The following ICE2 variants were observed in gnomAD, a reference collection of about 807,000 sequenced individuals.
ICE2 encodes little elongation complex subunit 2.
ICE2 carries 87 observed loss-of-function variants against 105.4 expected under a neutral mutation model. That is an observed-to-expected ratio of 0.83 (90% CI 0.69 to 0.99). The LOEUF (loss-of-function observed/expected upper bound fraction) is 0.99. Ranked by LOEUF, ICE2 falls within the 50% of genes least tolerant of loss-of-function variation. ICE2 has a pLI of 0.00. For synonymous variants in ICE2, 399 were observed against 392.0 expected, an observed-to-expected ratio of 1.02 and a Z score of -0.21; for missense variants, 1,323 against 1,146.7, an observed-to-expected ratio of 1.15 and a Z score of -2.22.
At chr15:60,477,571 A>C (rs2064799270) in intron 2 of ICE2, among the ~76,000 whole-genome samples, 1 of 152,246 alleles carries the variant, frequency 6.6e-6, no homozygotes. Flanking sequence ...TCAATATAAC[A>C]AAAAGCATGT....
chr15:60,455,991 G>A (rs2064099431), intron 6 of ICE2, among the ~76,000 whole-genome samples: 1 of 151,782 alleles, frequency 6.6e-6, no homozygotes, highest in Non-Finnish European at 1.5e-5. Context: ...TAACGGGGAT[G>A]GTAGAAACTC....
In ICE2 at chr15:60,456,651, C is replaced by A. The variant is rs201304187; in HGVS notation, c.666+6G>T. 1.5e-4 allele frequency: 227 copies of A among 1,549,376 alleles called. 1 individual carries two copies. The highest frequency in any genetic ancestry group is 7.8e-4 in the South Asian group (67 of 86,386). On this transcript the variant is annotated splice_donor_region_variant and intron_variant, in intron 6 of 15. Transcript: ENST00000261520. The stretch of plus-strand genomic sequence containing the variant: ...AAAGCTTATATCGTCTGATAATAAA[C>A]CTTACCAATGCGAGAAGAGTTTTTT...
intron 11 of ICE2, 115 bp from the exon 12 acceptor site, chr15:60,442,660 C>T (rs145577918): frequency 1.3e-6 from 1 of 754,548 alleles, no homozygotes; most frequent in Admixed American, 3.0e-5. Flanking sequence ...CTTATTTCAT[C>T]CTTTCAATTA....
intron 15 of ICE2, among the ~76,000 whole-genome samples, chr15:60,425,082 G>C (rs1039944952): frequency 6.6e-6 from 1 of 152,164 alleles, no homozygotes; most frequent in Non-Finnish European, 1.5e-5. Context: ...TAGCCCAACA[G>C]AAATACTATT....
intron 11 of ICE2, among the ~76,000 whole-genome samples, chr15:60,444,897 C>G (rs572083120): frequency 3.9e-5 from 6 of 152,250 alleles, no homozygotes; most frequent in Non-Finnish European, 7.4e-5. Flanking sequence ...GTGGGCCAGG[C>G]TGGTCTCGAA....
intron 5 of ICE2, among the ~76,000 whole-genome samples, chr15:60,464,655 G>T (rs2064371661): frequency 6.6e-6 from 1 of 151,566 alleles, no homozygotes; most frequent in Non-Finnish European, 1.5e-5. Flanking sequence ...AAGAATAACT[G>T]ATAGGGCAAT....
At position 60,479,059 on chromosome 15, in the gene ICE2, C is replaced by A. The variant is rs1567021088; in HGVS notation, c.-149G>T. 1 of 454,626 alleles carries A rather than the reference C, an allele frequency of 2.2e-6. No individual in the cohort carries two copies. The highest frequency in any genetic ancestry group is 1.6e-5 in the South Asian group (1 of 64,480). 28.2% of individuals were successfully genotyped at this position (454,626 alleles called of 1,614,324 possible). A position where few individuals can be genotyped will look rare whatever the true frequency, so the allele number is the denominator to read the frequency against. ...GCAGCCACACACCACACACGCTCCA[C>A]CCCACTCCTCACATTGTCGCGCGCG... On this transcript the variant is annotated 5_prime_UTR_variant, in exon 1 of 16. Coordinates refer to ENST00000261520, the MANE Select transcript of ICE2 (RefSeq NM_024611.6).
chr15:60,468,532 C>T (rs538495635), intron 3 of ICE2, among the ~76,000 whole-genome samples: 2 of 152,282 alleles, frequency 1.3e-5, no homozygotes, highest in Admixed American at 6.5e-5. Flanking sequence ...TGCAAACTTA[C>T]CTTCAATTAC....
chr15:60,462,206 C>T (rs537827522), intron 5 of ICE2, among the ~76,000 whole-genome samples: 14 of 152,074 alleles, frequency 9.2e-5, no homozygotes, highest in African/African-American at 3.1e-4. Flanking sequence ...ATAAATGATG[C>T]AATCAGAATA....
chr15:60,435,878 T>A lies in ICE2; in HGVS notation c.2510+265A>T, dbSNP rs1350703479. ...GTAGTCCCTACTTGGGAGGCTGAGGTGGGAGGATCCCTTGAACCGGGGAGG... is the reference window on the plus strand; with the variant it reads ...GTAGTCCCTACTTGGGAGGCTGAGGAGGGAGGATCCCTTGAACCGGGGAGG... On this transcript the variant is annotated intron_variant, in intron 13 of 15. Coordinates refer to ENST00000261520, the MANE Select transcript of ICE2 (RefSeq NM_024611.6). 2.6e-5 allele frequency among the ~76,000 whole-genome samples: 4 copies of A among 151,086 alleles called. No individual in the cohort carries two copies. In the East Asian group the frequency reaches 7.9e-4, roughly 30 times the overall value.
chr15:60,459,032 G>A (rs552918759), intron 5 of ICE2, among the ~76,000 whole-genome samples: 1 of 152,308 alleles, frequency 6.6e-6, no homozygotes, highest in South Asian at 2.1e-4. Flanking sequence ...GAGATGGATG[G>A]TGGTGATACC....
intron 5 of ICE2, among the ~76,000 whole-genome samples, chr15:60,457,761 T>G (rs1376618339): frequency 6.6e-6 from 1 of 152,210 alleles, no homozygotes; most frequent in African/African-American, 2.4e-5. Context: ...ATTTAATTCA[T>G]GGTATCATTT....
chr15:60,454,785 G>C (rs972002376), intron 8 of ICE2: 6 of 415,212 alleles, frequency 1.4e-5, no homozygotes, highest in African/African-American at 4.1e-5. Context: ...TTTGCTGCAC[G>C]TATCAACCTG....
At chr15:60,460,399 G>A (rs1275567293) in intron 5 of ICE2, among the ~76,000 whole-genome samples, 1 of 152,182 alleles carries the variant, frequency 6.6e-6, no homozygotes, top group East Asian at 1.9e-4. Flanking sequence ...TCGGTAGGCC[G>A]AGGCAGGAGA....
chr15:60,449,956 G>A (rs1049619048), intron 9 of ICE2, 115 bp from the exon 10 acceptor site: 2 of 769,190 alleles, frequency 2.6e-6, no homozygotes, highest in East Asian at 2.5e-5. Context: ...AGAAAGAAAA[G>A]TCTAATGGTT....
At chr15:60,473,448 C>G (rs1178676432) in intron 3 of ICE2, among the ~76,000 whole-genome samples, 2 of 152,032 alleles carry the variant, frequency 1.3e-5, no homozygotes, top group African/African-American at 2.4e-5. Flanking sequence ...ACACAACCAC[C>G]ACACCTGGCT....
In ICE2 at chr15:60,442,525, T is replaced by C. The variant is rs1261975424; in HGVS notation, c.2316A>G (p.Leu772=). The C allele has an allele frequency of 1.3e-6, 2 of 1,576,030 alleles. No individual in the cohort carries two copies. The highest frequency in any genetic ancestry group is 1.2e-5 in the South Asian group (1 of 83,496). The change falls in exon 12 of 16, where the codon CTA becomes CTG. Residue 772 remains leucine (L), a synonymous_variant. Coordinates refer to ENST00000261520, the MANE Select transcript of ICE2 (RefSeq NM_024611.6). ...KIRRQFPVYV[L]PKVEYQACYG... is the part of the protein sequence containing the mutation. ...AACAAGCTTGATACTCTACTTTTGG[T>C]AGTACATAAACTGGAAATTGCTGCA...
In ICE2 at chr15:60,436,220, G is replaced by A. The variant is rs756261734; in HGVS notation, c.2433C>T (p.Ile811=). 20 of 1,324,226 alleles carry A rather than the reference G, an allele frequency of 1.5e-5. No individual in the cohort carries two copies. The highest frequency in any genetic ancestry group is 7.2e-6 in the Non-Finnish European group (7 of 975,038). 82.0% of individuals were successfully genotyped at this position (1,324,226 alleles called of 1,614,324 possible). A position where few individuals can be genotyped will look rare whatever the true frequency, so the allele number is the denominator to read the frequency against. Residue 811 remains isoleucine, a synonymous_variant, in exon 13 of 16, where the codon ATC becomes ATT. Transcript: ENST00000261520. ...GAAAAAGTTTTGAAGTAAATGCATC[G>A]ATATGCCCTAAAATAAAATATCAAA... The part of the protein sequence containing the change: ...HSNSSFYVGH[I]DAFTSKLFLL...
At chr15:60,444,059 C>G (rs1258133181) in intron 11 of ICE2, among the ~76,000 whole-genome samples, 3 of 152,106 alleles carry the variant, frequency 2.0e-5, no homozygotes, top group Non-Finnish European at 2.9e-5. Context: ...TATGATCGTG[C>G]TACTGCACTC....
Sources: allele counts gnomAD v4.1 joint callset (sites outside exome capture counted in the v4.1 genomes callset), GRCh38; gene constraint gnomAD v4.1.1; transcripts MANE v1.5; gene names NCBI Gene and HGNC (gene_info 2026-07-23, HGNC 2026-07-21).